The following CDH12 variants were observed in gnomAD, a reference collection of about 807,000 sequenced individuals.
The protein encoded by CDH12 is cadherin-12.
Under a neutral mutation model 74.1 loss-of-function variants are expected in CDH12, and 41 were observed. The observed-to-expected ratio is 0.55, with a 90% CI of 0.43 to 0.72. CDH12 has a LOEUF of 0.72. Among genes scored for constraint, CDH12 ranks in the 30% least tolerant of loss-of-function variants. The pLI, the probability that CDH12 is intolerant of heterozygous loss-of-function variation, is 0.00. For synonymous variants in CDH12, 399 were observed against 355.0 expected (o/e 1.12, Z -1.39); for missense variants, 945 against 977.2 (o/e 0.97, Z 0.44).
At chr5:21,825,392 C>T (rs1402356322) in intron 8 of CDH12, among the ~76,000 whole-genome samples, 1 of 152,048 alleles carries the variant, frequency 6.6e-6, no homozygotes, top group Admixed American at 6.6e-5. Flanking sequence ...TCTTAAACTC[C>T]AACAATTTGT....
At chr5:22,848,623 C>A (rs1737413540) in intron 1 of CDH12, among the ~76,000 whole-genome samples, 1 of 152,124 alleles carries the variant, frequency 6.6e-6, no homozygotes. Flanking sequence ...TCTTGAAGCA[C>A]ATTGGTTAGT....
At chr5:22,681,699 A>G (rs1449757835) in intron 1 of CDH12, among the ~76,000 whole-genome samples, 1 of 152,144 alleles carries the variant, frequency 6.6e-6, no homozygotes, top group East Asian at 1.9e-4. Flanking sequence ...TGTATTTCCA[A>G]AAGTGTCACT....
intron 8 of CDH12, among the ~76,000 whole-genome samples, chr5:21,835,692 CTAAGAAAA>C (rs1749492056): frequency 2.0e-5 from 3 of 151,446 alleles, no homozygotes; most frequent in African/African-American, 7.3e-5. Context: ...CATGTTTATT[CTAAGAAAA>C]TATTTATAAG....
chr5:22,449,832 G>A (rs1404212982), intron 2 of CDH12, among the ~76,000 whole-genome samples: 1 of 151,936 alleles, frequency 6.6e-6, no homozygotes, highest in Non-Finnish European at 1.5e-5. Flanking sequence ...GCATCATACT[G>A]GAGAAGAGGT....
At chr5:22,659,235 A>T (rs1479823281) in intron 1 of CDH12, among the ~76,000 whole-genome samples, 1 of 149,324 alleles carries the variant, frequency 6.7e-6, no homozygotes, top group Non-Finnish European at 1.5e-5. Context: ...CATGGAAAAT[A>T]AAAAAAACAG....
intron 1 of CDH12, among the ~76,000 whole-genome samples, chr5:22,618,667 A>G (rs545477695): frequency 2.8e-4 from 42 of 152,226 alleles, no homozygotes; most frequent in African/African-American, 9.4e-4. Context: ...TAAATTATTC[A>G]AAGGTGTGTT....
rs971942902 is a variant in CDH12 at position 21,987,066 on chromosome 5, A to C, written c.232-11681T>G. On this transcript the variant is annotated intron_variant, in intron 5 of 14. Coordinates refer to ENST00000382254, the MANE Select transcript of CDH12 (RefSeq NM_004061.5). ...AACCCAAATCTGAACTCGAATGTAA[A>C]ACTCCATCTAACCTAATTTCTTTCT... 1.4e-4 allele frequency among the ~76,000 whole-genome samples: 22 copies of C among 152,082 alleles called. 1 individual carries two copies. Among genetic ancestry groups the C allele is most frequent in the Admixed American group, 1.4e-3 (21 of 15,274 alleles).
intron 6 of CDH12, among the ~76,000 whole-genome samples, chr5:21,892,002 T>C (rs1242246927): frequency 6.6e-6 from 1 of 152,178 alleles, no homozygotes; most frequent in Non-Finnish European, 1.5e-5. Flanking sequence ...GCTGAGAATT[T>C]TAGCTGATCA....
At position 22,839,352 on chromosome 5, in the gene CDH12, C is replaced by CTT. The variant is rs1293903338; in HGVS notation, c.-523+13704_-523+13705dup. 9.3e-4 allele frequency among the ~76,000 whole-genome samples: 112 copies of CTT among 120,234 alleles called. 1 individual carries two copies. The South Asian group carries it at 0.012, about 13-fold the overall frequency. 78.9% of individuals were successfully genotyped at this position (120,234 alleles called of 152,430 possible). A position where few individuals can be genotyped will look rare whatever the true frequency, so the allele number is the denominator to read the frequency against. On this transcript the variant is annotated intron_variant, in intron 1 of 14. Transcript: ENST00000382254. ...CTAGTTTACAATCAAAATTACTTGT[C>CTT]TTTTTTTTTTTTTTTTTTTGAGATG...
intron 1 of CDH12, among the ~76,000 whole-genome samples, chr5:22,837,854 C>T (rs1190380614): frequency 6.6e-6 from 1 of 152,106 alleles, no homozygotes; most frequent in African/African-American, 2.4e-5. Context: ...GGAAGTTAAA[C>T]AGTTGAAAGA....
intron 6 of CDH12, among the ~76,000 whole-genome samples, chr5:21,855,805 G>A (rs1750727519): frequency 6.6e-6 from 1 of 151,570 alleles, no homozygotes; most frequent in African/African-American, 2.4e-5. Context: ...TTTTCTCTAA[G>A]AGTACAAATT....
intron 4 of CDH12, among the ~76,000 whole-genome samples, chr5:22,180,985 C>G (rs528044962): frequency 6.6e-6 from 1 of 152,244 alleles, no homozygotes; most frequent in East Asian, 1.9e-4. Flanking sequence ...ACATTGACTA[C>G]TTAACTAAAT....
chr5:22,587,923 T>C (rs1740492093), intron 1 of CDH12, among the ~76,000 whole-genome samples: 1 of 148,298 alleles, frequency 6.7e-6, no homozygotes, highest in Admixed American at 6.8e-5. Context: ...ATATAATATA[T>C]ATAGATTTAT....
At chr5:22,323,354 AC>A (rs1373030002) in intron 3 of CDH12, among the ~76,000 whole-genome samples, 1 of 152,200 alleles carries the variant, frequency 6.6e-6, no homozygotes, top group African/African-American at 2.4e-5. Flanking sequence ...TTATAAAAAT[AC>A]TTTCAAACCA....
intron 1 of CDH12, among the ~76,000 whole-genome samples, chr5:22,518,156 A>T (rs989596773): frequency 2.6e-5 from 4 of 152,212 alleles, no homozygotes; most frequent in African/African-American, 9.6e-5. Flanking sequence ...ATTGATGAAG[A>T]TCACAAATAC....
chr5:22,656,388 C>T (rs1029765420), intron 1 of CDH12, among the ~76,000 whole-genome samples: 1 of 152,070 alleles, frequency 6.6e-6, no homozygotes, highest in Non-Finnish European at 1.5e-5. Context: ...TTGAAAATTT[C>T]CAAATGGCTA....
chr5:22,457,334 T>C (rs1046796132), intron 2 of CDH12, among the ~76,000 whole-genome samples: 3 of 152,130 alleles, frequency 2.0e-5, no homozygotes, highest in Admixed American at 2.0e-4. Context: ...CTGAAGTTGG[T>C]TGGAGAGAAT....
At chr5:22,760,445 C>G (rs1455778860) in intron 1 of CDH12, among the ~76,000 whole-genome samples, 2 of 151,992 alleles carry the variant, frequency 1.3e-5, no homozygotes, top group Non-Finnish European at 2.9e-5. Context: ...CTTTGGGAGG[C>G]CGAGGCGGGT....
At chr5:22,695,878 T>C (rs1490126158) in intron 1 of CDH12, among the ~76,000 whole-genome samples, 2 of 152,200 alleles carry the variant, frequency 1.3e-5, no homozygotes, top group East Asian at 3.8e-4. Flanking sequence ...CCCTATTTTT[T>C]CAAGTCTGAA....
Sources: allele counts gnomAD v4.1 joint callset (sites outside exome capture counted in the v4.1 genomes callset), GRCh38; gene constraint gnomAD v4.1.1; transcripts MANE v1.5; gene names NCBI Gene and HGNC (gene_info 2026-07-23, HGNC 2026-07-21).